The following GPR158 variants were observed in gnomAD, a reference collection of about 807,000 sequenced individuals.
GPR158 encodes G protein-coupled receptor 158, also known as metabotropic glycine receptor.
In GPR158, 30 loss-of-function variants were observed where a neutral mutation model predicts 78.2. That is an observed-to-expected ratio of 0.38 (90% CI 0.29 to 0.52). The LOEUF is 0.52. Ranked by LOEUF, GPR158 falls within the 20% of genes least tolerant of loss-of-function variation. GPR158 has a pLI of 0.83. For synonymous variants in GPR158, 581 were observed against 591.1 expected, an observed-to-expected ratio of 0.98 and a Z score of 0.25; for missense variants, 1,463 against 1,523.5, an observed-to-expected ratio of 0.96 and a Z score of 0.66.
chr10:25,498,932 G>A (rs1002547965), intron 5 of GPR158, among the ~76,000 whole-genome samples: 5 of 152,050 alleles, frequency 3.3e-5, no homozygotes, highest in East Asian at 3.9e-4. Flanking sequence ...GAGGACTTTC[G>A]GAACCCTACA....
At chr10:25,191,307 C>T (rs1188032571) in intron 1 of GPR158, among the ~76,000 whole-genome samples, 1 of 152,152 alleles carries the variant, frequency 6.6e-6, no homozygotes, top group Admixed American at 6.5e-5. Context: ...CTTGCATTAG[C>T]TATGGCTGCA....
chr10:25,472,516 G>T (rs7086959), intron 5 of GPR158, among the ~76,000 whole-genome samples: 27 of 151,992 alleles, frequency 1.8e-4, no homozygotes, highest in African/African-American at 4.8e-4. Context: ...ATTGGTAGCT[G>T]GATGGGGATG....
intron 5 of GPR158, among the ~76,000 whole-genome samples, chr10:25,504,286 G>A (rs1329248): frequency 0.087 from 13,190 of 152,164 alleles, 740 homozygotes; most frequent in African/African-American, 0.15. Flanking sequence ...AAATGAGTGA[G>A]TGAATGGCAG....
intron 6 of GPR158, among the ~76,000 whole-genome samples, chr10:25,559,857 GAGGCCTTTTGT>G (rs1200335719): frequency 1.3e-5 from 2 of 152,184 alleles, no homozygotes; most frequent in Non-Finnish European, 2.9e-5. Context: ...AAAAGTAGAT[GAGGCCTTTTGT>G]CACAATATGT....
At chr10:25,460,596 G>C (rs1045920420) in intron 4 of GPR158, among the ~76,000 whole-genome samples, 1 of 152,126 alleles carries the variant, frequency 6.6e-6, no homozygotes, top group African/African-American at 2.4e-5. Context: ...CTCCTTCAAA[G>C]ATATTAACAT....
intron 2 of GPR158, among the ~76,000 whole-genome samples, chr10:25,237,469 A>G (rs1022848971): frequency 1.7e-4 from 26 of 152,206 alleles, no homozygotes; most frequent in African/African-American, 6.0e-4. Flanking sequence ...ATAATCAACT[A>G]TTATTTTTAG....
rs1277556464 is a variant in GPR158 at position 25,303,484 on chromosome 10, TAAAAC to T, written c.1008+82331_1008+82335del. Among the ~76,000 whole-genome samples, 6 of 152,288 alleles carry T rather than the reference TAAAAC, an allele frequency of 3.9e-5. No homozygotes were observed. The South Asian group carries it at 8.3e-4, about 21-fold the overall frequency. On this transcript the variant is annotated intron_variant, in intron 2 of 10. Transcript: ENST00000376351. ...AGAATGTGATTATCGAATTTGTAGA[TAAAAC>T]AAAGCTGGGAAGGAAAATAAATACA... is the stretch of plus-strand genomic sequence containing the variant.
intron 2 of GPR158, among the ~76,000 whole-genome samples, chr10:25,323,327 T>G (rs1439882283): frequency 2.0e-5 from 3 of 152,104 alleles, no homozygotes; most frequent in African/African-American, 7.2e-5. Context: ...GAGCATTTGC[T>G]TCAACTCAAA....
intron 2 of GPR158, among the ~76,000 whole-genome samples, chr10:25,340,118 G>T (rs1024146757): frequency 4.6e-5 from 7 of 152,034 alleles, no homozygotes; most frequent in African/African-American, 7.2e-5. Context: ...AAAAAAATCT[G>T]CAGTGAGTAG....
intron 5 of GPR158, among the ~76,000 whole-genome samples, chr10:25,486,796 TCTAA>T (rs1835741191): frequency 6.8e-6 from 1 of 147,244 alleles, no homozygotes; most frequent in Admixed American, 7.0e-5. Flanking sequence ...CTTTGTTTGT[TCTAA>T]CTATGATAGA....
intron 2 of GPR158, among the ~76,000 whole-genome samples, chr10:25,316,687 AGTT>A (rs1245093804): frequency 2.0e-5 from 3 of 152,274 alleles, no homozygotes; most frequent in East Asian, 1.9e-4. Flanking sequence ...ATTTTGAACA[AGTT>A]GTGCGATTTT....
chr10:25,576,338 G>A (rs1207433924), intron 7 of GPR158, among the ~76,000 whole-genome samples: 1 of 152,084 alleles, frequency 6.6e-6, no homozygotes, highest in African/African-American at 2.4e-5. Flanking sequence ...ACTCCTTTCT[G>A]ATCACAACCC....
intron 5 of GPR158, among the ~76,000 whole-genome samples, chr10:25,483,312 G>A (rs1254996409): frequency 6.6e-6 from 1 of 151,936 alleles, no homozygotes; most frequent in Non-Finnish European, 1.5e-5. Flanking sequence ...GCTCTTCATT[G>A]TTCTCAAACC....
chr10:25,311,693 G>T (rs889079632), intron 2 of GPR158, among the ~76,000 whole-genome samples: 1 of 151,812 alleles, frequency 6.6e-6, no homozygotes, highest in African/African-American at 2.4e-5. Flanking sequence ...AAATATTTTT[G>T]AGTGCCCCAA....
intron 4 of GPR158, among the ~76,000 whole-genome samples, chr10:25,438,199 G>A (rs958152683): frequency 6.6e-6 from 1 of 152,188 alleles, no homozygotes; most frequent in Non-Finnish European, 1.5e-5. Context: ...CTTGGCTAGA[G>A]TTAGGTAGAG....
chr10:25,308,151 ATTATT>A (rs892954586), intron 2 of GPR158, among the ~76,000 whole-genome samples: 4 of 151,940 alleles, frequency 2.6e-5, no homozygotes, highest in Non-Finnish European at 5.9e-5. Flanking sequence ...TTTTTATTTT[ATTATT>A]TTATTTTATT....
intron 3 of GPR158, 79 bp downstream of exon 3, chr10:25,396,092 T>C (rs1334520339): frequency 4.6e-6 from 3 of 649,848 alleles, no homozygotes; most frequent in Admixed American, 2.7e-5. Context: ...CTTTTATCCT[T>C]GTTGGAGTTA....
At chr10:25,526,348 T>A (rs1266121333) in intron 5 of GPR158, among the ~76,000 whole-genome samples, 1 of 152,088 alleles carries the variant, frequency 6.6e-6, no homozygotes, top group Non-Finnish European at 1.5e-5. Flanking sequence ...GCTCCCAGTT[T>A]ATGTAGTGTG....
At chr10:25,378,670 G>C (rs1367059016) in intron 2 of GPR158, among the ~76,000 whole-genome samples, 7 of 151,934 alleles carry the variant, frequency 4.6e-5, no homozygotes, top group African/African-American at 1.4e-4. Flanking sequence ...GTTATTCTAT[G>C]GATTTCAGCA....
Sources: gnomAD v4.1 joint callset for allele counts (sites outside exome capture counted in the v4.1 genomes callset) on GRCh38, gnomAD v4.1.1 for gene constraint, MANE v1.5 for transcripts, NCBI Gene and HGNC (gene_info 2026-07-23, HGNC 2026-07-21) for gene names.